The following GALNTL6 variants were observed in gnomAD, a reference collection of about 807,000 sequenced individuals.
GALNTL6 encodes the protein polypeptide N-acetylgalactosaminyltransferase-like 6.
Under a neutral mutation model 73.7 loss-of-function variants are expected in GALNTL6, and 46 were observed. The observed-to-expected ratio is 0.62, with a 90% CI of 0.49 to 0.80. The LOEUF (loss-of-function observed/expected upper bound fraction) is 0.80. Among genes scored for constraint, GALNTL6 ranks in the 30% least tolerant of loss-of-function variants. GALNTL6 has a pLI of 0.00. For missense variants in GALNTL6, 604 were observed against 755.0 expected, an observed-to-expected ratio of 0.80 and a Z score of 2.34; for synonymous variants, 259 against 263.7, an observed-to-expected ratio of 0.98 and a Z score of 0.17.
intron 2 of GALNTL6, among the ~76,000 whole-genome samples, chr4:171,831,026 G>A (rs772460243): frequency 9.9e-5 from 15 of 152,176 alleles, no homozygotes; most frequent in Non-Finnish European, 1.5e-4. Context: ...TGACCATGAA[G>A]CAGCACACTT....
intron 2 of GALNTL6, among the ~76,000 whole-genome samples, chr4:172,171,035 A>G (rs1303487482): frequency 6.6e-6 from 1 of 152,182 alleles, no homozygotes; most frequent in Non-Finnish European, 1.5e-5. Context: ...ATCTCTCATC[A>G]TTTATTAAGA....
chr4:172,096,369 A>G (rs1419581410), intron 2 of GALNTL6, among the ~76,000 whole-genome samples: 2 of 152,162 alleles, frequency 1.3e-5, no homozygotes, highest in African/African-American at 2.4e-5. Flanking sequence ...TGTTGGGATT[A>G]TAGGCATGAG....
chr4:173,019,893 T>C (rs1317974551), intron 11 of GALNTL6, among the ~76,000 whole-genome samples: 1 of 152,244 alleles, frequency 6.6e-6, no homozygotes. Flanking sequence ...TCTCTACATT[T>C]CCTTTCCTAG....
chr4:172,594,055 A>G (rs1438625053), intron 5 of GALNTL6, among the ~76,000 whole-genome samples: 1 of 152,166 alleles, frequency 6.6e-6, no homozygotes, highest in Non-Finnish European at 1.5e-5. Context: ...TGTTAGAAAT[A>G]AGACATTTTG....
At chr4:172,133,994 A>G (rs145969685) in intron 2 of GALNTL6, among the ~76,000 whole-genome samples, 66 of 152,322 alleles carry the variant, frequency 4.3e-4, no homozygotes, top group African/African-American at 1.5e-3. Flanking sequence ...AAAAATTCTG[A>G]CAAGTCCTCA....
intron 9 of GALNTL6, among the ~76,000 whole-genome samples, chr4:172,941,143 T>TTG (rs1748900047): frequency 6.6e-6 from 1 of 152,232 alleles, no homozygotes; most frequent in Non-Finnish European, 1.5e-5. Context: ...CAGTTATGAC[T>TTG]TGTGATTCAA....
At chr4:172,307,348 T>A (rs534086034) in intron 3 of GALNTL6, among the ~76,000 whole-genome samples, 1 of 152,336 alleles carries the variant, frequency 6.6e-6, no homozygotes, top group South Asian at 2.1e-4. Flanking sequence ...GCACAGAAAC[T>A]TTTGAGTTTA....
chr4:171,987,460 G>T (rs1579034776), intron 2 of GALNTL6, among the ~76,000 whole-genome samples: 1 of 152,158 alleles, frequency 6.6e-6, no homozygotes, highest in Admixed American at 6.5e-5. Flanking sequence ...TGTAGGAAAG[G>T]CCTCTACCCA....
intron 7 of GALNTL6, among the ~76,000 whole-genome samples, chr4:172,881,511 A>G (rs890912735): frequency 6.6e-6 from 1 of 152,170 alleles, no homozygotes; most frequent in African/African-American, 2.4e-5. Flanking sequence ...TTAGCATGCA[A>G]ACTCTTTGAA....
chr4:173,009,448 A>G (rs905794287), intron 11 of GALNTL6, among the ~76,000 whole-genome samples, 154 bp downstream of exon 11: 4 of 152,250 alleles, frequency 2.6e-5, no homozygotes, highest in Admixed American at 2.6e-4. Context: ...TCTGCAGTTC[A>G]GTGAATCACT....
intron 8 of GALNTL6, among the ~76,000 whole-genome samples, chr4:172,918,822 G>T (rs1747657410): frequency 6.6e-6 from 1 of 152,150 alleles, no homozygotes; most frequent in Non-Finnish European, 1.5e-5. Flanking sequence ...TCAGAAAATG[G>T]TGGAAAGCTG....
chr4:172,944,871 C>T (rs1749083007), intron 9 of GALNTL6, among the ~76,000 whole-genome samples: 1 of 151,922 alleles, frequency 6.6e-6, no homozygotes. Flanking sequence ...GCCTGACCAA[C>T]ATGGTGAAAC....
At chr4:172,814,844 C>T (rs749238258) in intron 7 of GALNTL6, among the ~76,000 whole-genome samples, 1 of 152,104 alleles carries the variant, frequency 6.6e-6, no homozygotes, top group Non-Finnish European at 1.5e-5. Context: ...TGATACCACG[C>T]GAGAGAAGTC....
chr4:172,320,497 A>G (rs1740721273), intron 4 of GALNTL6, among the ~76,000 whole-genome samples: 1 of 152,154 alleles, frequency 6.6e-6, no homozygotes, highest in Non-Finnish European at 1.5e-5. Flanking sequence ...TGAAAAAGAG[A>G]TTGTGGTGAA....
chr4:172,326,280 A>G (rs1740938335), intron 4 of GALNTL6, among the ~76,000 whole-genome samples: 1 of 152,046 alleles, frequency 6.6e-6, no homozygotes, highest in African/African-American at 2.4e-5. Flanking sequence ...GAAAGCAGAA[A>G]GAGAAGAGCA....
chr4:172,000,733 T>C (rs1560879124), intron 2 of GALNTL6, among the ~76,000 whole-genome samples: 2 of 152,128 alleles, frequency 1.3e-5, no homozygotes, highest in Admixed American at 1.3e-4. Flanking sequence ...CTAAAATTGA[T>C]AGGAAGAGGA....
At chr4:171,919,677 T>A (rs1166180753) in intron 2 of GALNTL6, among the ~76,000 whole-genome samples, 23 of 152,008 alleles carry the variant, frequency 1.5e-4, no homozygotes, top group Admixed American at 1.5e-3. Context: ...AATGGTAATG[T>A]ATTCTCAACA....
intron 7 of GALNTL6, among the ~76,000 whole-genome samples, chr4:172,865,014 T>C (rs1744591187): frequency 6.6e-6 from 1 of 152,202 alleles, no homozygotes; most frequent in Admixed American, 6.5e-5. Flanking sequence ...TGGGTTTTGT[T>C]ATCTTCCTAG....
chr4:172,095,986 CT>C (rs1221518958), intron 2 of GALNTL6, among the ~76,000 whole-genome samples: 1 of 147,964 alleles, frequency 6.8e-6, no homozygotes, highest in African/African-American at 2.5e-5. Context: ...TCTCTCTTTT[CT>C]TTTCTCTCTT....
Sources: allele counts gnomAD v4.1 joint callset (sites outside exome capture counted in the v4.1 genomes callset), GRCh38; gene constraint gnomAD v4.1.1; transcripts MANE v1.5; gene names NCBI Gene and HGNC (gene_info 2026-07-23, HGNC 2026-07-21).